ST7: variants seen among roughly 807,000 people sequenced by gnomAD.
ST7 encodes suppressor of tumorigenicity 7 protein.
In ST7, 28 loss-of-function variants were observed where a neutral mutation model predicts 78.7. The observed-to-expected ratio is 0.36, with a 90% CI of 0.26 to 0.49. The LOEUF (loss-of-function observed/expected upper bound fraction) is 0.49. ST7 is among the 20% of genes least tolerant of loss of function. The probability of loss-of-function intolerance (pLI) is 0.99; values close to 1 mark genes in which losing one functional copy is unlikely to be tolerated. For synonymous variants in ST7, 247 were observed against 249.6 expected (o/e 0.99, Z 0.10); for missense variants, 418 against 696.0 (o/e 0.60, Z 4.49).
chr7:117,041,213 T>G (rs1241912088), intron 1 of ST7, among the ~76,000 whole-genome samples: 1 of 152,192 alleles, frequency 6.6e-6, no homozygotes, highest in Non-Finnish European at 1.5e-5. Flanking sequence ...GAATTGAATC[T>G]TTACCACATG....
intron 12 of ST7, among the ~76,000 whole-genome samples, chr7:117,205,777 C>T (rs1791696501): frequency 6.6e-6 from 1 of 152,180 alleles, no homozygotes; most frequent in African/African-American, 2.4e-5. Flanking sequence ...TGAAAAGTTG[C>T]TTCCAAAATT....
At position 117,090,266 on chromosome 7, in the gene ST7, C is replaced by A. The variant is rs570900499; in HGVS notation, c.152-9496C>A. On this transcript the variant is annotated intron_variant, in intron 1 of 15. Transcript: ENST00000323984. Reference sequence around the variant, plus strand: ...ACACACACACACAGACACACACACACACACACACACACGGCAAAGTCCCAG... The same window carrying A: ...ACACACACACACAGACACACACACAAACACACACACACGGCAAAGTCCCAG... 7.0e-3 allele frequency among the ~76,000 whole-genome samples: 1,056 copies of A among 150,530 alleles called. 6 individuals are homozygous for A. Among genetic ancestry groups the A allele is most frequent in the Admixed American group, 0.012 (185 of 15,234 alleles).
intron 1 of ST7, among the ~76,000 whole-genome samples, chr7:117,076,290 G>A (rs1414729479): frequency 6.6e-6 from 1 of 152,232 alleles, no homozygotes; most frequent in Non-Finnish European, 1.5e-5. Flanking sequence ...TGATAAATCT[G>A]TGGTGAAACT....
intron 12 of ST7, among the ~76,000 whole-genome samples, chr7:117,196,396 A>G (rs1206308706): frequency 2.6e-5 from 4 of 152,064 alleles, no homozygotes; most frequent in Non-Finnish European, 4.4e-5. Context: ...CCAACAGTGC[A>G]CAAGGGTTCC....
intron 1 of ST7, among the ~76,000 whole-genome samples, chr7:117,043,848 A>G (rs1163631743): frequency 2.0e-4 from 31 of 152,268 alleles, no homozygotes; most frequent in Admixed American, 2.0e-3. Flanking sequence ...TCTCAGTTGC[A>G]GATTCCAGTT....
chr7:117,169,137 CTTTT>C (rs36088347), intron 9 of ST7, among the ~76,000 whole-genome samples: 2 of 110,640 alleles, frequency 1.8e-5, no homozygotes, highest in Admixed American at 9.2e-5. Context: ...AATCTTCTTC[CTTTT>C]TTTTTTTTTT....
intron 9 of ST7, among the ~76,000 whole-genome samples, chr7:117,166,982 A>G (rs1807605970): frequency 6.6e-6 from 1 of 151,904 alleles, no homozygotes; most frequent in Non-Finnish European, 1.5e-5. Context: ...CTGTGTGAGC[A>G]ATTTAGGCAA....
intron 1 of ST7, among the ~76,000 whole-genome samples, chr7:117,056,481 C>T (rs1479709236): frequency 6.6e-6 from 1 of 151,722 alleles, no homozygotes; most frequent in African/African-American, 2.4e-5. Context: ...AAAAAAAATA[C>T]AAAATTAGCT....
At chr7:117,160,556 G>C (rs111476187) in intron 9 of ST7, among the ~76,000 whole-genome samples, 1 of 150,118 alleles carries the variant, frequency 6.7e-6, no homozygotes, top group East Asian at 2.0e-4. Context: ...CTCTCTCTCT[G>C]TCTCCCATCC....
At chr7:117,106,899 C>T (rs1392836945) in intron 2 of ST7, among the ~76,000 whole-genome samples, 1 of 152,126 alleles carries the variant, frequency 6.6e-6, no homozygotes, top group East Asian at 1.9e-4. Context: ...GGATTACAGG[C>T]GTGAGCCACT....
rs10537016 is a variant in ST7 at position 117,090,254 on chromosome 7, GACACACACACACAC to G, written c.152-9497_152-9484del. Reference sequence around the variant, plus strand: ...GGATAGAAACACACACACACACACAGACACACACACACACACACACACACGGCAAAGTCCCAGCC... The same window carrying G: ...GGATAGAAACACACACACACACACAGACACACACACGGCAAAGTCCCAGCC... On this transcript the variant is annotated intron_variant, in intron 1 of 15. Coordinates refer to ENST00000323984, the MANE Select transcript of ST7 (RefSeq NM_001369598.1). Among the ~76,000 whole-genome samples the G allele has an allele frequency of 5.6e-3, 832 of 148,936 alleles. 1 individual carries two copies. Among genetic ancestry groups the G allele is most frequent in the Non-Finnish European group, 0.01 (687 of 66,916 alleles).
chr7:117,143,124 G>T (rs538844923), intron 9 of ST7, among the ~76,000 whole-genome samples: 31 of 152,232 alleles, frequency 2.0e-4, no homozygotes, highest in South Asian at 2.1e-4. Flanking sequence ...ATGTGATGTG[G>T]GTTGGTGGTC....
At chr7:116,992,473 C>T (rs898723234) in intron 1 of ST7, among the ~76,000 whole-genome samples, 1 of 152,208 alleles carries the variant, frequency 6.6e-6, no homozygotes, top group African/African-American at 2.4e-5. Context: ...TATACTGGCC[C>T]CTTTCAGTCA....
chr7:116,970,365 A>G lies in ST7; in HGVS notation c.151+16674A>G, dbSNP rs942433080. Reference sequence around the variant, plus strand: ...TTAGTCAGTTTAGGCTACTCTAACAAATATACCATAGGGCTCAGTGGCTTC... The same window carrying G: ...TTAGTCAGTTTAGGCTACTCTAACAGATATACCATAGGGCTCAGTGGCTTC... On this transcript the variant is annotated intron_variant, in intron 1 of 15. Coordinates refer to ENST00000323984, the MANE Select transcript of ST7 (RefSeq NM_001369598.1). Among the ~76,000 whole-genome samples the G allele has an allele frequency of 1.6e-4, 25 of 152,328 alleles. 1 individual carries two copies. The Middle Eastern group carries it at 0.01, about 62-fold the overall frequency.
chr7:117,189,057 A>G (rs1809541166), intron 10 of ST7, among the ~76,000 whole-genome samples: 1 of 152,210 alleles, frequency 6.6e-6, no homozygotes, highest in Admixed American at 6.5e-5. Context: ...ACATATGAAA[A>G]TTCATATTTT....
At chr7:117,083,437 T>G (rs1197628944) in intron 1 of ST7, among the ~76,000 whole-genome samples, 1 of 151,986 alleles carries the variant, frequency 6.6e-6, no homozygotes, top group Non-Finnish European at 1.5e-5. Context: ...TTTGTATTTT[T>G]AGTAGGGATG....
At chr7:117,160,232 CAAAA>C (rs572498971) in intron 9 of ST7, among the ~76,000 whole-genome samples, 1 of 113,750 alleles carries the variant, frequency 8.8e-6, no homozygotes. Flanking sequence ...AACTGTGTCT[CAAAA>C]AAAAAAAAAA....
chr7:117,010,399 C>T (rs942586545), intron 1 of ST7, among the ~76,000 whole-genome samples: 7 of 152,286 alleles, frequency 4.6e-5, no homozygotes, highest in Non-Finnish European at 7.4e-5. Flanking sequence ...TTAGTGGAGT[C>T]TTCTCACATT....
intron 1 of ST7, among the ~76,000 whole-genome samples, chr7:117,006,596 AC>A (rs1795167030): frequency 1.3e-5 from 2 of 152,212 alleles, no homozygotes; most frequent in South Asian, 4.1e-4. Context: ...TTCCTACCAA[AC>A]TTTTATAATT....
Sources: allele counts gnomAD v4.1 joint callset (sites outside exome capture counted in the v4.1 genomes callset), GRCh38; gene constraint gnomAD v4.1.1; transcripts MANE v1.5; gene names NCBI Gene and HGNC (gene_info 2026-07-23, HGNC 2026-07-21).